The following LAMA5 variants were observed in gnomAD, a reference collection of about 807,000 sequenced individuals.
LAMA5 encodes laminin subunit alpha-5.
LAMA5 carries 260 observed loss-of-function variants against 433.4 expected under a neutral mutation model. The ratio of observed to expected loss-of-function variants is 0.60; its 90% CI spans 0.54 to 0.66. LAMA5 has a LOEUF of 0.66. Among genes scored for constraint, LAMA5 ranks in the 30% least tolerant of loss-of-function variants. The probability of loss-of-function intolerance (pLI) is 0.00; values close to 1 mark genes in which losing one functional copy is unlikely to be tolerated. For missense variants in LAMA5, 5,378 were observed against 5,258.5 expected, an observed-to-expected ratio of 1.02 and a Z score of -0.70; for synonymous variants, 2,620 against 2,226.6, an observed-to-expected ratio of 1.18 and a Z score of -4.97.
In LAMA5 at chr20:62,351,816, C is replaced by T. The variant is rs746855805; in HGVS notation, c.859-15G>A. On this transcript the variant is annotated splice_polypyrimidine_tract_variant and intron_variant, in intron 5 of 79. Transcript: ENST00000252999. ...CTGTAATAATACTGCACCCGCAGGC[C>T]CCGTGAGCACCAGGCGGCCAGGCCT... is the stretch of plus-strand genomic sequence containing the variant. 6.3e-7 allele frequency: 1 copy of T among 1,595,998 alleles called. No individual in the cohort carries two copies.
rs747952614 is a variant in LAMA5 at position 62,322,140 on chromosome 20, G to A, written c.6375C>T (p.Asp2125=). The change falls in exon 48 of 80, where the codon GAC becomes GAT. Residue 2125 remains aspartate (D), a synonymous_variant. Transcript: ENST00000252999. ...RRCQCPGGRC[D]PHTGRCNCPP... Reference sequence around the variant, plus strand: ...GGCAGTTGCAGCGGCCCGTGTGAGGGTCACAGCGGCCCCCAGGGCACTGGC... The same window carrying A: ...GGCAGTTGCAGCGGCCCGTGTGAGGATCACAGCGGCCCCCAGGGCACTGGC... 9 of 1,600,916 alleles carry A rather than the reference G, an allele frequency of 5.6e-6. No individual in the cohort carries two copies. The highest frequency in any genetic ancestry group is 1.3e-5 in the African/African-American group (1 of 74,844).
intron 43 of LAMA5, 75 bp from the exon 44 acceptor site, chr20:62,323,931 T>C: frequency 6.8e-7 from 1 of 1,472,434 alleles, no homozygotes; most frequent in African/African-American, 1.4e-5. Context: ...GTGCTCCGGC[T>C]GGAACACACG....
rs1481725388 is a variant in LAMA5, at chr20:62,324,625, G to A, written c.5530-71C>T. 1.2e-5 allele frequency: 12 copies of A among 971,656 alleles called. No homozygotes were observed. The Admixed American group carries it at 2.4e-4, about 19-fold the overall frequency. 60.2% of individuals were successfully genotyped at this position (971,656 alleles called of 1,614,324 possible). A position where few individuals can be genotyped will look rare whatever the true frequency, so the allele number is the denominator to read the frequency against. On this transcript the variant is annotated intron_variant, in intron 41 of 79. Transcript: ENST00000252999. This position sits in a 1 kb window ranked among gnomAD's most constrained non-coding sequence, Gnocchi z 4.4. ...GGGGCCCCACCCTGCAAGCTCACAAGTCAGACCCTCAGGGATCCTGCAGGC... is the reference window on the plus strand; with the variant it reads ...GGGGCCCCACCCTGCAAGCTCACAAATCAGACCCTCAGGGATCCTGCAGGC...
In LAMA5 at chr20:62,367,172, A is replaced by G; in HGVS notation, c.74T>C (p.Val25Ala). ...GPRGPAPLLL[V>A]GLALLGAARA... Reference sequence around the variant, plus strand: ...CGCCGCGCCCAGCAGCGCCAGCCCGACCAGCAGCAGCGGCGCGGGGCCCCG... The same window carrying G: ...CGCCGCGCCCAGCAGCGCCAGCCCGGCCAGCAGCAGCGGCGCGGGGCCCCG... The change falls in exon 1 of 80, where the codon GTC (valine) becomes GCC (alanine). Residue 25 changes from valine (V) to alanine (A), a missense_variant. Transcript: ENST00000252999. 1 of 1,244,690 alleles carries G rather than the reference A, an allele frequency of 8.0e-7. No homozygotes were observed. Among genetic ancestry groups the G allele is most frequent in the Non-Finnish European group, 1.0e-6 (1 of 997,872 alleles). The allele number at this position is 1,244,690 out of a possible 1,614,324, so 77.1% of individuals were successfully genotyped here.
intron 11 of LAMA5, among the ~76,000 whole-genome samples, chr20:62,340,246 G>T (rs931572514): frequency 2.0e-5 from 3 of 151,486 alleles, no homozygotes; most frequent in African/African-American, 7.2e-5. Context: ...CAGCTCAGAG[G>T]GACAGAAATT....
chr20:62,345,788 CG>C, intron 11 of LAMA5, 29 bp downstream of exon 11: 1 of 1,522,090 alleles, frequency 6.6e-7, no homozygotes. Flanking sequence ...CAGGGCAGGC[CG>C]GGGACCTGGG....
In LAMA5 at chr20:62,346,061, T is replaced by A. The variant is rs201133213; in HGVS notation, c.1417+20A>T. On this transcript the variant is annotated intron_variant, in intron 10 of 79. Coordinates refer to ENST00000252999, the MANE Select transcript of LAMA5 (RefSeq NM_005560.6). The stretch of plus-strand genomic sequence containing the variant: ...CAGCAGGCAGTGGTGTCTGTTTGGA[T>A]GCCCCTGGCAGGTGCTCACGGTAGC... The A allele has an allele frequency of 9.7e-5, 156 of 1,611,928 alleles. 2 individuals are homozygous for A. The highest frequency in any genetic ancestry group is 8.5e-5 in the Non-Finnish European group (100 of 1,179,256).
chr20:62,309,854 C>A lies in LAMA5; in HGVS notation c.10829-19G>T. 1.9e-6 allele frequency: 3 copies of A among 1,610,954 alleles called. No individual in the cohort carries two copies. The highest frequency in any genetic ancestry group is 1.7e-6 in the Non-Finnish European group (2 of 1,179,472). Reference sequence around the variant, plus strand: ...TTCATCACTGGGAGAAAGGGGGACTCCTGAGGCCAGGTGGTCCTCAGCCCA... The same window carrying A: ...TTCATCACTGGGAGAAAGGGGGACTACTGAGGCCAGGTGGTCCTCAGCCCA... On this transcript the variant is annotated intron_variant, in intron 78 of 79. Transcript: ENST00000252999.
rs747317679 is a variant in LAMA5 at position 62,317,295 on chromosome 20, G to A, written c.7511+50C>T. ...GACCAGCTGGCCCTCCCAAGGCCCT[G>A]TCTGCATCCCCAGGGTGGGCCCAGG... On this transcript the variant is annotated intron_variant, in intron 55 of 79. Transcript: ENST00000252999. 3.9e-6 allele frequency: 6 copies of A among 1,522,224 alleles called. No individual in the cohort carries two copies. The Admixed American group carries it at 6.2e-5, about 16-fold the overall frequency. The allele number at this position is 1,522,224 out of a possible 1,614,324, so 94.3% of individuals were successfully genotyped here.
Position 62,333,494 on chromosome 20 carries a change from G to GGTGGTGCTGAGA in LAMA5, c.3022-25_3022-14dup, listed in dbSNP as rs773210545. 383 of 1,607,902 alleles carry GGTGGTGCTGAGA rather than the reference G, an allele frequency of 2.4e-4. 2 individuals carry two copies. The South Asian group carries it at 2.9e-3, about 12-fold the overall frequency. The stretch of plus-strand genomic sequence containing the variant: ...GAACCACGTAGTCCTGCAGGGTGGA[G>GGTGGTGCTGAGA]GTGGTGCTGAGAGTGGTGGGCCCCA... On this transcript the variant is annotated splice_polypyrimidine_tract_variant and intron_variant, in intron 24 of 79. Coordinates refer to ENST00000252999, the MANE Select transcript of LAMA5 (RefSeq NM_005560.6).
rs1555876020 is a variant in LAMA5, at chr20:62,325,107, A to AGGCAGGTGGATGAGG, written c.5529+208_5529+209insCCTCATCCACCTGCC. ...ATGGAGGGGCAGGCGGATGAGGGGC[A>AGGCAGGTGGATGAGG]GGCAGGCGGACGAGGGGCAGGCAGA... On this transcript the variant is annotated intron_variant, in intron 41 of 79. Transcript: ENST00000252999. 77 of 527,592 alleles carry AGGCAGGTGGATGAGG rather than the reference A, an allele frequency of 1.5e-4. 1 individual carries two copies. Among genetic ancestry groups the AGGCAGGTGGATGAGG allele is most frequent in the East Asian group, 1.4e-3 (44 of 32,430 alleles). The allele number at this position is 527,592 out of a possible 1,614,324, so 32.7% of individuals were successfully genotyped here. A position where few individuals can be genotyped will look rare whatever the true frequency, so the allele number is the denominator to read the frequency against.
chr20:62,349,220 G>A lies in LAMA5; in HGVS notation c.957-2192C>T, dbSNP rs112681341. Reference sequence around the variant, plus strand: ...CGGGAGGCGGAGCTTGCAGTGAGCCGAGATCGTGCCACTGCACGCCAGTCT... The same window carrying A: ...CGGGAGGCGGAGCTTGCAGTGAGCCAAGATCGTGCCACTGCACGCCAGTCT... On this transcript the variant is annotated intron_variant, in intron 6 of 79. Transcript: ENST00000252999. Among the ~76,000 whole-genome samples the A allele has an allele frequency of 4.3e-3, 572 of 132,360 alleles. 5 individuals carry two copies. The highest frequency in any genetic ancestry group is 0.015 in the African/African-American group (544 of 36,730). The allele number at this position is 132,360 out of a possible 152,430, so 86.8% of individuals were successfully genotyped here.
At position 62,336,369 on chromosome 20, in the gene LAMA5, A is replaced by C; in HGVS notation, c.2294T>G (p.Leu765Arg). ...CDRCKPGFWG[L>R]SPSNPEGCTR... ...ACAGCCCTCGGGGTTGCTGGGGCTC[A>C]GTCCCCAGAACCCAGGTTTGCAGCG... Residue 765 changes from leucine (L) to arginine (R), a missense_variant, in exon 18 of 80, where the codon CTG (leucine) becomes CGG (arginine). Leu to Arg is a moderately radical substitution (Grantham distance 102). Transcript: ENST00000252999. The C allele has an allele frequency of 6.2e-7, 1 of 1,612,122 alleles. No individual in the cohort carries two copies. Among genetic ancestry groups the C allele is most frequent in the Non-Finnish European group, 8.5e-7 (1 of 1,179,490 alleles).
At position 62,309,260 on chromosome 20, in the gene LAMA5, A is replaced by G; in HGVS notation, c.*76T>C. ...CCCGTAGAGCTTAGAGTCCAAATAG[A>G]CACCTATGAGGCGAGCACAAGGGGC... On this transcript the variant is annotated 3_prime_UTR_variant, in exon 80 of 80. Coordinates refer to ENST00000252999, the MANE Select transcript of LAMA5 (RefSeq NM_005560.6). 2 of 1,412,420 alleles carry G rather than the reference A, an allele frequency of 1.4e-6. No homozygotes were observed. Among genetic ancestry groups the G allele is most frequent in the Non-Finnish European group, 9.6e-7 (1 of 1,044,420 alleles). 87.5% of individuals were successfully genotyped at this position (1,412,420 alleles called of 1,614,324 possible). A position where few individuals can be genotyped will look rare whatever the true frequency, so the allele number is the denominator to read the frequency against.
rs1986914393 is a variant in LAMA5, at chr20:62,316,217, G to A, written c.7757-159C>T. On this transcript the variant is annotated intron_variant, in intron 57 of 79. Coordinates refer to ENST00000252999, the MANE Select transcript of LAMA5 (RefSeq NM_005560.6). Reference sequence around the variant, plus strand: ...GGAGTCCCTTAGCCTGTGGGGAGGTGTTGAGTCTCAGCGTAGCCTCTGTTC... The same window carrying A: ...GGAGTCCCTTAGCCTGTGGGGAGGTATTGAGTCTCAGCGTAGCCTCTGTTC... 4 of 620,936 alleles carry A rather than the reference G, an allele frequency of 6.4e-6. No individual in the cohort carries two copies. In the Admixed American group the frequency reaches 8.1e-5, roughly 13 times the overall value. 38.5% of individuals were successfully genotyped at this position (620,936 alleles called of 1,614,324 possible). A position where few individuals can be genotyped will look rare whatever the true frequency, so the allele number is the denominator to read the frequency against.
At position 62,318,635 on chromosome 20, in the gene LAMA5, T is replaced by C. The variant is rs758096184; in HGVS notation, c.7058A>G (p.Gln2353Arg). 9 of 1,610,328 alleles carry C rather than the reference T, an allele frequency of 5.6e-6. No homozygotes were observed. The Admixed American group carries it at 1.3e-4, about 24-fold the overall frequency. ...AAAQRLLARV[Q>R]EQLSSLWEEN... The stretch of plus-strand genomic sequence containing the variant: ...CTCCCAGAGGCTGCTCAGCTGCTCC[T>C]GCACCCGGGCCAGCACTAGCCGAGA... Residue 2353 changes from glutamine (Q) to arginine (R), a missense_variant, in exon 53 of 80, where the codon CAG becomes CGG. Gln to Arg is a conservative substitution (Grantham distance 43, BLOSUM62 1). Transcript: ENST00000252999.
intron 1 of LAMA5, among the ~76,000 whole-genome samples, chr20:62,365,136 C>A (rs1192605555): frequency 1.3e-5 from 2 of 152,272 alleles, no homozygotes; most frequent in African/African-American, 4.8e-5. Flanking sequence ...CTGCTCAGAG[C>A]TCGAGACTTT....
Position 62,348,768 on chromosome 20 carries a change from C to T in LAMA5, c.957-1740G>A, listed in dbSNP as rs190270779. ...CTCAATGGATGGGCTAAACAGCAGA[C>T]AGACACAGTGGAAGAGAGATTTAGT... On this transcript the variant is annotated intron_variant, in intron 6 of 79. Coordinates refer to ENST00000252999, the MANE Select transcript of LAMA5 (RefSeq NM_005560.6). Among the ~76,000 whole-genome samples, 240 of 152,022 alleles carry T rather than the reference C, an allele frequency of 1.6e-3. 2 individuals are homozygous for T. In the South Asian group the frequency reaches 0.016, roughly 10 times the overall value.
At chr20:62,355,278 C>T (rs688157) in intron 2 of LAMA5, 82,954 of 152,446 alleles carry the variant, frequency 0.54, 26,107 homozygotes, top group East Asian at 0.79. Context: ...CAGGTACGCC[C>T]GGGAACAGCT....
Sources: allele counts gnomAD v4.1 joint callset (sites outside exome capture counted in the v4.1 genomes callset), GRCh38; gene constraint gnomAD v4.1.1; non-coding constraint Gnocchi (gnomAD v3.1); transcripts MANE v1.5; gene names NCBI Gene and HGNC (gene_info 2026-07-23, HGNC 2026-07-21).